Variants in LIG3 observed in about 807,000 individuals in gnomAD.
LIG3 encodes the protein DNA ligase 3, also known as ligase II, DNA, ATP-dependent.
LIG3 carries 58 observed loss-of-function variants against 110.9 expected under a neutral mutation model. The observed-to-expected ratio is 0.52, with a 90% CI of 0.42 to 0.65. LIG3 has a LOEUF of 0.65. LIG3 is among the 30% of genes least tolerant of loss of function. The pLI is 0.00. For synonymous variants in LIG3, 422 were observed against 472.8 expected (o/e 0.89, Z 1.39); for missense variants, 1,094 against 1,273.8 (o/e 0.86, Z 2.15).
intron 9 of LIG3, among the ~76,000 whole-genome samples, chr17:34,995,523 T>C (rs2090768653): frequency 6.6e-6 from 1 of 152,196 alleles, no homozygotes; most frequent in African/African-American, 2.4e-5. Flanking sequence ...TGAAGGGGAA[T>C]GGCATGGATG....
intron 1 of LIG3, chr17:34,980,858 C>T (rs181281623): frequency 0.035 from 5,375 of 154,054 alleles, 127 homozygotes; most frequent in Non-Finnish European, 0.051. Flanking sequence ...GGCCGGCGCC[C>T]GGGCTGTGTT....
Position 34,998,640 on chromosome 17 carries a change from G to C in LIG3, c.2026G>C (p.Val676Leu). 1 of 1,614,238 alleles carries C rather than the reference G, an allele frequency of 6.2e-7. No individual in the cohort carries two copies. Among genetic ancestry groups the C allele is most frequent in the Non-Finnish European group, 8.5e-7 (1 of 1,180,038 alleles). Residue 676 changes from valine (V) to leucine (L), a missense_variant, in exon 14 of 20, where the codon GTG becomes CTG. Transcript: ENST00000378526. The part of the protein sequence containing the change: ...YEPGKRHWLK[V>L]KKDYLNEGAM... ...GCCTGGGAAGCGGCACTGGCTGAAA[G>C]TGAAGAAAGACTATTTGAACGAGGG... is the stretch of plus-strand genomic sequence containing the variant.
At chr17:34,985,124 C>T (rs377249299) in intron 2 of LIG3, among the ~76,000 whole-genome samples, 9 of 152,084 alleles carry the variant, frequency 5.9e-5, no homozygotes, top group Non-Finnish European at 1.2e-4. Context: ...AAAATATGTG[C>T]GTGTATATGC....
rs3136013 is a variant in LIG3 at position 34,999,510 on chromosome 17, CTG to C, written c.2256+64_2256+65del. 9.0e-5 allele frequency: 142 copies of C among 1,576,066 alleles called. No homozygotes were observed. In the East Asian group the frequency reaches 3.1e-3, roughly 35 times the overall value. On this transcript the variant is annotated intron_variant, in intron 15 of 19. Transcript: ENST00000378526. ...CTGGCCGCCATCACTGAGACAGAGG[CTG>C]TGCTTTGGGGACTACAGGTATTTCT... is the stretch of plus-strand genomic sequence containing the variant.
At chr17:35,002,335 G>A (rs2090852321) in intron 18 of LIG3, among the ~76,000 whole-genome samples, 1 of 152,200 alleles carries the variant, frequency 6.6e-6, no homozygotes, top group African/African-American at 2.4e-5. Flanking sequence ...CCTGGGGACA[G>A]CCAGTCTGAC....
At chr17:34,992,500 C>T (rs2090732924) in intron 7 of LIG3, 24 bp from the exon 8 acceptor site, 2 of 1,544,420 alleles carry the variant, frequency 1.3e-6, no homozygotes, top group African/African-American at 1.4e-5. Flanking sequence ...GGTTTTGTTT[C>T]CTTGTTCCTG....
Position 35,001,961 on chromosome 17 carries a change from A to T in LIG3, c.2531A>T (p.Asp844Val), listed in dbSNP as rs1192429274. The T allele has an allele frequency of 1.2e-6, 2 of 1,612,768 alleles. No individual in the cohort carries two copies. Among genetic ancestry groups the T allele is most frequent in the Non-Finnish European group, 1.7e-6 (2 of 1,179,450 alleles). The change falls in exon 18 of 20, where the codon GAT (aspartate) becomes GTT (valine). Residue 844 changes from aspartate (D) to valine (V), a missense_variant. Transcript: ENST00000378526. ...GCAGACTTCACTGTAGTGGCTGGAG[A>T]TGAGGGGAGCTCCACTACAGGGGGT... ...EKADFTVVAG[D>V]EGSSTTGGSS...
chr17:34,991,726 C>A lies in LIG3; in HGVS notation c.1097C>A (p.Pro366Gln). Residue 366 changes from proline (P) to glutamine (Q), a missense_variant, in exon 6 of 20, where the codon CCA (proline) becomes CAA (glutamine). Transcript: ENST00000378526. ...TTTGAGCAGAGCAAGTCTTTCCCCC[C>A]AGCTGCCAAGAGCCTCCTTACCATC... Reference protein sequence around the residue: ...VFFEQSKSFPPAAKSLLTIQE... With the variant: ...VFFEQSKSFPQAAKSLLTIQE... 7 of 1,614,026 alleles carry A rather than the reference C, an allele frequency of 4.3e-6. No individual in the cohort carries two copies. The highest frequency in any genetic ancestry group is 3.4e-6 in the Non-Finnish European group (4 of 1,179,964).
chr17:34,992,761 A>T, intron 8 of LIG3, 69 bp downstream of exon 8: 2 of 1,446,700 alleles, frequency 1.4e-6, no homozygotes, highest in South Asian at 2.9e-5. Flanking sequence ...CTGAGATCAG[A>T]TAGGGTATGA....
intron 12 of LIG3, 175 bp downstream of exon 12, chr17:34,998,000 G>C: frequency 1.5e-6 from 1 of 662,356 alleles, no homozygotes; most frequent in Non-Finnish European, 2.6e-6. Context: ...GAAGGGTAGG[G>C]CATGGAAATC....
intron 3 of LIG3, among the ~76,000 whole-genome samples, chr17:34,987,556 A>G (rs1332202920): frequency 6.6e-6 from 1 of 152,186 alleles, no homozygotes; most frequent in Non-Finnish European, 1.5e-5. Flanking sequence ...AGTCATTTGG[A>G]GATTGAAAGA....
At chr17:35,004,107 T>A (rs2090873559) in intron 19 of LIG3, 166 bp from the exon 20 acceptor site, 2 of 610,602 alleles carry the variant, frequency 3.3e-6, no homozygotes, top group African/African-American at 3.7e-5. Context: ...CCTGTATAAT[T>A]TGGAGTGACT....
intron 3 of LIG3, among the ~76,000 whole-genome samples, chr17:34,987,554 G>A (rs1241597972): frequency 6.6e-6 from 1 of 152,176 alleles, no homozygotes; most frequent in Non-Finnish European, 1.5e-5. Context: ...GAAGTCATTT[G>A]GAGATTGAAA....
In LIG3 at chr17:34,991,247, T is replaced by G. The variant is rs1597794686; in HGVS notation, c.1041+133T>G. Reference sequence around the variant, plus strand: ...GAAACTGAAACCCATTTGAGCAAGCTTCCGTTATAGGGGGAGCTGAATGTG... The same window carrying G: ...GAAACTGAAACCCATTTGAGCAAGCGTCCGTTATAGGGGGAGCTGAATGTG... On this transcript the variant is annotated intron_variant, in intron 5 of 19. Transcript: ENST00000378526. 8.4e-6 allele frequency: 7 copies of G among 832,136 alleles called. No homozygotes were observed. In the East Asian group the frequency reaches 1.8e-4, roughly 21 times the overall value. The allele number at this position is 832,136 out of a possible 1,614,324, so 51.5% of individuals were successfully genotyped here.
intron 3 of LIG3, among the ~76,000 whole-genome samples, chr17:34,986,385 A>G (rs2090655519): frequency 6.6e-6 from 1 of 152,020 alleles, no homozygotes; most frequent in Admixed American, 6.5e-5. Context: ...GCAGTGGTGC[A>G]TTCTCAGCTC....
chr17:34,991,913 T>C, intron 6 of LIG3, 45 bp from the exon 7 acceptor site: 1 of 1,613,724 alleles, frequency 6.2e-7, no homozygotes, highest in Non-Finnish European at 8.5e-7. Context: ...CCCTTGGGGT[T>C]CCAGAGCTCT....
In LIG3 at chr17:35,003,751, G is replaced by A. The variant is rs189315806; in HGVS notation, c.2797-522G>A. ...TCATTGCGCCCCCACGCTCCCCACCGCCATCCAGGAGTAAGCATAGAAGTC... is the reference window on the plus strand; with the variant it reads ...TCATTGCGCCCCCACGCTCCCCACCACCATCCAGGAGTAAGCATAGAAGTC... On this transcript the variant is annotated intron_variant, in intron 19 of 19. Coordinates refer to ENST00000378526, the MANE Select transcript of LIG3 (RefSeq NM_013975.4). 2.4e-3 allele frequency: 377 copies of A among 157,820 alleles called. 2 individuals carry two copies. The highest frequency in any genetic ancestry group is 6.8e-3 in the East Asian group (36 of 5,308). The allele number at this position is 157,820 out of a possible 1,614,324, so 9.8% of individuals were successfully genotyped here. A position where few individuals can be genotyped will look rare whatever the true frequency, so the allele number is the denominator to read the frequency against.
At chr17:35,010,150 C>G (rs2090927127), downstream of LIG3, 1 of 152,224 alleles carries the variant, frequency 6.6e-6, no homozygotes, top group Admixed American at 6.5e-5. Flanking sequence ...ATAAATATGT[C>G]TGTACCAATG....
chr17:34,984,650 T>C (rs952598143), intron 2 of LIG3, among the ~76,000 whole-genome samples: 1 of 151,426 alleles, frequency 6.6e-6, no homozygotes, highest in Non-Finnish European at 1.5e-5. Flanking sequence ...GTTTCTTCTT[T>C]TTTTTTTTTT....
Sources: allele counts gnomAD v4.1 joint callset (sites outside exome capture counted in the v4.1 genomes callset), GRCh38; gene constraint gnomAD v4.1.1; transcripts MANE v1.5; gene names NCBI Gene and HGNC (gene_info 2026-07-23, HGNC 2026-07-21).